The following PEX1 variants were observed in gnomAD, a reference collection of about 807,000 sequenced individuals.
PEX1 encodes peroxisomal biogenesis factor 1.
A neutral mutation model predicts 152.5 loss-of-function variants in PEX1; 97 were observed. The ratio of observed to expected loss-of-function variants is 0.64; its 90% confidence interval spans 0.54 to 0.75. PEX1 has a LOEUF of 0.75. Among genes scored for constraint, PEX1 ranks in the 30% least tolerant of loss-of-function variants. The probability of loss-of-function intolerance (pLI) is 0.00; values close to 1 mark genes in which losing one functional copy is unlikely to be tolerated. For synonymous variants in PEX1, 485 were observed against 531.6 expected (o/e 0.91, Z 1.21); for missense variants, 1,357 against 1,516.3 (o/e 0.89, Z 1.74).
intron 1 of PEX1, among the ~76,000 whole-genome samples, chr7:92,525,657 G>A (rs1333889788): frequency 1.3e-5 from 2 of 152,126 alleles, no homozygotes; most frequent in African/African-American, 4.8e-5. Flanking sequence ...AAATGTACAG[G>A]AGAGCCCCCA....
chr7:92,491,589 G>C (rs932384992), intron 20 of PEX1, 87 bp from the exon 21 acceptor site: 1 of 800,476 alleles, frequency 1.2e-6, no homozygotes, highest in Admixed American at 2.1e-5. Flanking sequence ...CATTCTATTA[G>C]AGCAATACAA....
At chr7:92,524,237 G>A (rs542931073) in intron 1 of PEX1, among the ~76,000 whole-genome samples, 52 of 150,460 alleles carry the variant, frequency 3.5e-4, no homozygotes, top group Non-Finnish European at 5.6e-4. Flanking sequence ...ACAGGCATGA[G>A]CCAACATGCC....
intron 8 of PEX1, 34 bp from the exon 9 acceptor site, chr7:92,509,445 C>T: frequency 6.9e-7 from 1 of 1,452,396 alleles, no homozygotes; most frequent in Non-Finnish European, 9.7e-7. Context: ...TTTTACATTT[C>T]AAAGTATGTC....
rs1441446202 is a variant in PEX1 at position 92,511,653 on chromosome 7, T to C, written c.1410A>G (p.Leu470=). 3.1e-6 allele frequency: 5 copies of C among 1,611,444 alleles called. No homozygotes were observed. Among genetic ancestry groups the C allele is most frequent in the African/African-American group, 2.7e-5 (2 of 75,030 alleles). ...GAAGCATGGTGGTAGTAGACTGCTGTAGCCATGAATAAAATACAGTTTTTA... is the reference window on the plus strand; with the variant it reads ...GAAGCATGGTGGTAGTAGACTGCTGCAGCCATGAATAAAATACAGTTTTTA... ...EDIKTVFYSW[L]QQSTTTMLPL... The change falls in exon 7 of 24, where the codon CTA becomes CTG. Residue 470 remains leucine (L), a synonymous_variant. Coordinates refer to ENST00000248633, the MANE Select transcript of PEX1 (RefSeq NM_000466.3).
At chr7:92,498,437 A>G (rs1176133782) in intron 16 of PEX1, among the ~76,000 whole-genome samples, 1 of 152,148 alleles carries the variant, frequency 6.6e-6, no homozygotes, top group Non-Finnish European at 1.5e-5. Flanking sequence ...GTAAGCCAAG[A>G]TTGCATCACT....
chr7:92,502,228 A>C, intron 13 of PEX1, 149 bp from the exon 14 acceptor site: 1 of 630,590 alleles, frequency 1.6e-6, no homozygotes, highest in East Asian at 2.7e-5. Flanking sequence ...AGGAATGGGT[A>C]GTAAAAGGGC....
Position 92,528,308 on chromosome 7 carries a change from T to C in PEX1, c.128A>G (p.Gln43Arg). Residue 43 changes from glutamine (Q) to arginine (R), a missense_variant and splice_region_variant, in exon 1 of 24, where the codon CAG (glutamine) becomes CGG (arginine). Gln to Arg is a conservative substitution (Grantham distance 43). Transcript: ENST00000248633. ...GGTGGCTCGGGGCCGGCAGGTTACC[T>C]GCAGCAGATGCAGCTGGGCCACGAG... Reference protein sequence around the residue: ...RRLVAQLHLLQNQAIEVVWSH... With the variant: ...RRLVAQLHLLRNQAIEVVWSH... 1 of 1,557,768 alleles carries C rather than the reference T, an allele frequency of 6.4e-7. No homozygotes were observed. Among genetic ancestry groups the C allele is most frequent in the Non-Finnish European group, 8.7e-7 (1 of 1,152,750 alleles).
Position 92,511,471 on chromosome 7 carries a change from T to C in PEX1, c.1483+109A>G, listed in dbSNP as rs572926495. 53 of 864,066 alleles carry C rather than the reference T, an allele frequency of 6.1e-5. No individual in the cohort carries two copies. In the African/African-American group the frequency reaches 8.5e-4, roughly 14 times the overall value. 53.5% of individuals were successfully genotyped at this position (864,066 alleles called of 1,614,324 possible). On this transcript the variant is annotated intron_variant, in intron 7 of 23. Coordinates refer to ENST00000248633, the MANE Select transcript of PEX1 (RefSeq NM_000466.3). The stretch of plus-strand genomic sequence containing the variant: ...AAAACTACTGTTTAATTATCATAAT[T>C]ATATTTCACTATTCACATACTGTTC...
At chr7:92,505,274 G>A (rs1181256360) in intron 11 of PEX1, among the ~76,000 whole-genome samples, 2 of 151,964 alleles carry the variant, frequency 1.3e-5, no homozygotes, top group Non-Finnish European at 1.5e-5. Context: ...TTAGCCAGGT[G>A]TGGTGGCATG....
chr7:92,527,320 C>T (rs1040260745), intron 1 of PEX1, among the ~76,000 whole-genome samples: 1 of 152,158 alleles, frequency 6.6e-6, no homozygotes, highest in African/African-American at 2.4e-5. Flanking sequence ...GAGCACTGAA[C>T]CAACTTCTAC....
At chr7:92,494,984 C>T (rs1306366126) in intron 17 of PEX1, among the ~76,000 whole-genome samples, 1 of 151,802 alleles carries the variant, frequency 6.6e-6, no homozygotes, top group African/African-American at 2.4e-5. Context: ...GACTCTTAGT[C>T]AATAAGTCAA....
intron 11 of PEX1, among the ~76,000 whole-genome samples, chr7:92,505,391 C>G (rs1368039059): frequency 7.2e-6 from 1 of 139,782 alleles, no homozygotes; most frequent in Non-Finnish European, 1.5e-5. Context: ...CCAGCCTGGG[C>G]TACAGAGCAA....
chr7:92,499,619 G>A, intron 16 of PEX1, 85 bp downstream of exon 16: 2 of 1,145,760 alleles, frequency 1.7e-6, no homozygotes, highest in Non-Finnish European at 2.6e-6. Flanking sequence ...TGCACTAAAT[G>A]CCAGTGAATT....
At position 92,509,379 on chromosome 7, in the gene PEX1, G is replaced by C. The variant is rs917874479; in HGVS notation, c.1620C>G (p.Asn540Lys). The C allele has an allele frequency of 4.3e-6, 7 of 1,612,674 alleles. No individual in the cohort carries two copies. Among genetic ancestry groups the C allele is most frequent in the African/African-American group, 1.3e-5 (1 of 74,862 alleles). The change falls in exon 9 of 24, where the codon AAC becomes AAG. Residue 540 changes from asparagine (N) to lysine (K), a missense_variant. Transcript: ENST00000248633. The stretch of plus-strand genomic sequence containing the variant: ...GAAGAATAAAGTCAATTTCCTCACT[G>C]TTTTCTTCTTTTACCATAGGATCTA... ...VLLDPMVKEE[N>K]SEEIDFILPF...
rs758268919 is a variant in PEX1 at position 92,494,502 on chromosome 7, C to T, written c.2911G>A (p.Val971Ile). The change falls in exon 18 of 24, where the codon GTA becomes ATA. Residue 971 changes from valine (V) to isoleucine (I), a missense_variant. Val to Ile is a conservative substitution (Grantham distance 29). Transcript: ENST00000248633. ...TAATTATTACCCTGTAAGCCTTCTA[C>T]TCCATCCAACTGAGTCAGCAACTGG... ...VNQLLTQLDG[V>I]EGLQGVYVLA... 1.2e-6 allele frequency: 2 copies of T among 1,613,794 alleles called. No individual in the cohort carries two copies. Among genetic ancestry groups the T allele is most frequent in the South Asian group, 2.2e-5 (2 of 91,084 alleles).
rs1283612002 is a variant in PEX1, at chr7:92,501,978, A to G, written c.2328T>C (p.Thr776=). The change falls in exon 14 of 24, where the codon ACT becomes ACC. Residue 776 remains threonine (T), a synonymous_variant. Coordinates refer to ENST00000248633, the MANE Select transcript of PEX1 (RefSeq NM_000466.3). ...TAAAATCTCTAGCCACAAACCCGCCAGTTTCTTTAGCTACATGCTGCAGGT... is the reference window on the plus strand; with the variant it reads ...TAAAATCTCTAGCCACAAACCCGCCGGTTTCTTTAGCTACATGCTGCAGGT... ...DLDLQHVAKE[T]GGFVARDFTV... is the part of the protein sequence containing the mutation. 6.2e-7 allele frequency: 1 copy of G among 1,613,772 alleles called. No homozygotes were observed. Among genetic ancestry groups the G allele is most frequent in the South Asian group, 1.1e-5 (1 of 91,066 alleles).
At chr7:92,526,349 G>A (rs1340693169) in intron 1 of PEX1, among the ~76,000 whole-genome samples, 1 of 152,170 alleles carries the variant, frequency 6.6e-6, no homozygotes, top group African/African-American at 2.4e-5. Flanking sequence ...GTCTGACATA[G>A]GCCAGAAAAC....
intron 22 of PEX1, 21 bp from the exon 23 acceptor site, chr7:92,489,444 G>T: frequency 6.2e-7 from 1 of 1,607,600 alleles, no homozygotes; most frequent in South Asian, 1.1e-5. Flanking sequence ...AAAAGAAATT[G>T]ACGAAGAGTT....
chr7:92,516,079 A>AGAAAAGAAAAGAAAAGAAAAGAAAG, intron 5 of PEX1, among the ~76,000 whole-genome samples: 1 of 150,506 alleles, frequency 6.6e-6, no homozygotes, highest in African/African-American at 2.4e-5. Flanking sequence ...AGAAAAGAAA[A>AGAAAAGAAAAGAAAAGAAAAGAAAG]GAAAAGAAAA....
Sources: allele counts gnomAD v4.1 joint callset (sites outside exome capture counted in the v4.1 genomes callset), GRCh38; gene constraint gnomAD v4.1.1; transcripts MANE v1.5; gene names NCBI Gene and HGNC (gene_info 2026-07-23, HGNC 2026-07-21).